Variants in ACTR3C observed in about 807,000 individuals in gnomAD.
ACTR3C encodes actin related protein 3C.
Under a neutral mutation model 26.3 loss-of-function variants are expected in ACTR3C, and 18 were observed. That is an observed-to-expected ratio of 0.68 (90% CI 0.47 to 1.01). The LOEUF (loss-of-function observed/expected upper bound fraction) is 1.01. Among genes scored for constraint, ACTR3C ranks in the 50% least tolerant of loss-of-function variants. The probability of loss-of-function intolerance (pLI) is 0.00; values close to 1 mark genes in which losing one functional copy is unlikely to be tolerated. For missense variants in ACTR3C, 184 were observed against 250.7 expected (o/e 0.73, Z 1.80); for synonymous variants, 55 against 94.5 (o/e 0.58, Z 2.42).
At chr7:150,216,436 G>T in the ACTR3C span, among the ~76,000 whole-genome samples, 6 of 151,876 alleles carry the variant, frequency 4.0e-5, no homozygotes, top group African/African-American at 1.5e-4. Flanking sequence ...GGTTGTGGGG[G>T]TGAGGGTTAG....
At chr7:149,951,012 A>G in the ACTR3C span, among the ~76,000 whole-genome samples, 1 of 23,034 alleles carries the variant, frequency 4.3e-5, no homozygotes, top group Admixed American at 4.6e-4. Context: ...TGGCATTTCC[A>G]CTCATCTGTA....
chr7:150,176,793 G>T, the ACTR3C span, among the ~76,000 whole-genome samples: 1 of 150,746 alleles, frequency 6.6e-6, no homozygotes. Context: ...GAAACTCGGG[G>T]ATCTTATTGA....
chr7:150,184,009 G>A, the ACTR3C span, among the ~76,000 whole-genome samples: 1 of 150,638 alleles, frequency 6.6e-6, no homozygotes, highest in African/African-American at 2.5e-5. Context: ...TAAGTTTCCT[G>A]GGACCTCCCC....
chr7:149,909,072 A>C, the ACTR3C span, among the ~76,000 whole-genome samples: 4 of 151,230 alleles, frequency 2.6e-5, no homozygotes, highest in African/African-American at 9.7e-5. Flanking sequence ...GTGAGCCACC[A>C]CGCCCAGCCA....
At chr7:150,123,083 C>T in the ACTR3C span, among the ~76,000 whole-genome samples, 1 of 150,540 alleles carries the variant, frequency 6.6e-6, no homozygotes, top group East Asian at 1.9e-4. Flanking sequence ...TGGGGTCTGT[C>T]GAGGGTGGGG....
the ACTR3C span, among the ~76,000 whole-genome samples, chr7:150,116,836 G>A: frequency 1.3e-5 from 2 of 152,070 alleles, no homozygotes; most frequent in Non-Finnish European, 2.9e-5. Flanking sequence ...CTCCCAGCGA[G>A]ACCAATGCAG....
chr7:150,190,383 A>G, the ACTR3C span, among the ~76,000 whole-genome samples: 672 of 144,170 alleles, frequency 4.7e-3, 7 homozygotes, highest in African/African-American at 0.019. Context: ...TTTTAAAATT[A>G]TAACAAAGTC....
the ACTR3C span, among the ~76,000 whole-genome samples, chr7:150,164,737 G>C: frequency 6.6e-6 from 1 of 151,970 alleles, no homozygotes. Context: ...TATTTTGTTT[G>C]TTTCTTCTTT....
the ACTR3C span, among the ~76,000 whole-genome samples, chr7:150,228,382 C>T: frequency 6.6e-6 from 1 of 152,180 alleles, no homozygotes; most frequent in Admixed American, 6.5e-5. Flanking sequence ...AAGAAACTCA[C>T]ATACTAATCC....
At chr7:149,969,306 T>C in the ACTR3C span, among the ~76,000 whole-genome samples, 1 of 61,616 alleles carries the variant, frequency 1.6e-5, no homozygotes, top group East Asian at 6.3e-4. Flanking sequence ...TGTGTGTGTG[T>C]GTGTGTGTGT....
the ACTR3C span, among the ~76,000 whole-genome samples, chr7:149,907,410 C>T: frequency 6.7e-6 from 1 of 149,156 alleles, no homozygotes; most frequent in African/African-American, 2.5e-5. Flanking sequence ...TTCCACATCT[C>T]AGTATCCTCA....
chr7:150,035,742 C>T, the ACTR3C span, among the ~76,000 whole-genome samples: 803 of 135,188 alleles, frequency 5.9e-3, 102 homozygotes, highest in Middle Eastern at 0.028. Context: ...TCTCAGTCCC[C>T]GCCTCGCGGG....
the ACTR3C span, among the ~76,000 whole-genome samples, chr7:149,991,216 A>G: frequency 2.0e-5 from 3 of 152,166 alleles, no homozygotes; most frequent in African/African-American, 4.8e-5. Context: ...TCAAGAGAAC[A>G]ACACAGGAAA....
At chr7:149,885,063 A>G in the ACTR3C span, among the ~76,000 whole-genome samples, 1 of 152,028 alleles carries the variant, frequency 6.6e-6, no homozygotes, top group Non-Finnish European at 1.5e-5. Flanking sequence ...GCATCCTATG[A>G]TGCTTAGCAG....
At chr7:149,890,811 T>G in the ACTR3C span, 1 of 175,810 alleles carries the variant, frequency 5.7e-6, no homozygotes, top group African/African-American at 2.4e-5. Context: ...TCTAAATTCT[T>G]AAAAAGTGCA....
intron 6 of ACTR3C, among the ~76,000 whole-genome samples, chr7:150,259,333 AAGAAAGAAAGACAG>A (rs1387328462): frequency 6.6e-6 from 1 of 152,130 alleles, no homozygotes; most frequent in African/African-American, 2.4e-5. Flanking sequence ...AAAGGAAAGA[AAGAAAGAAAGACAG>A]AGAAAGAAAG....
the ACTR3C span, among the ~76,000 whole-genome samples, chr7:150,100,792 C>T: frequency 1.3e-5 from 2 of 151,332 alleles, no homozygotes; most frequent in Non-Finnish European, 2.9e-5. Flanking sequence ...TAACCTCCCC[C>T]TCCCCGGGCT....
At chr7:150,070,638 A>G in the ACTR3C span, among the ~76,000 whole-genome samples, 3,212 of 150,794 alleles carry the variant, frequency 0.021, 115 homozygotes, top group African/African-American at 0.076. Flanking sequence ...TTTAGTAGAG[A>G]TGGGGTTTTG....
At chr7:150,243,203 T>C (rs543657158), downstream of ACTR3C, among the ~76,000 whole-genome samples, 2 of 152,288 alleles carry the variant, frequency 1.3e-5, no homozygotes, top group East Asian at 3.9e-4. Context: ...CTATTGTGAA[T>C]TGATTGCACT....
Sources: allele counts gnomAD v4.1 joint callset (sites outside exome capture counted in the v4.1 genomes callset), GRCh38; gene constraint gnomAD v4.1.1; transcripts MANE v1.5; gene names NCBI Gene and HGNC (gene_info 2026-07-23, HGNC 2026-07-21).